DAB1: variants seen among roughly 807,000 people sequenced by gnomAD.
DAB1 encodes disabled homolog 1.
DAB1 carries 15 observed loss-of-function variants against 64.6 expected under a neutral mutation model. The observed-to-expected ratio is 0.23, with a 90% CI of 0.16 to 0.36. The LOEUF (loss-of-function observed/expected upper bound fraction) is 0.36. Among genes scored for constraint, DAB1 ranks in the 10% least tolerant of loss-of-function variants. DAB1 has a pLI of 1.00. For synonymous variants in DAB1, 235 were observed against 251.9 expected (o/e 0.93, Z 0.64); for missense variants, 596 against 706.7 (o/e 0.84, Z 1.78).
chr1:57,179,798 A>G (rs1662719150), intron 2 of DAB1, among the ~76,000 whole-genome samples: 2 of 152,208 alleles, frequency 1.3e-5, no homozygotes, highest in East Asian at 3.8e-4. Flanking sequence ...ATTGCTTTAC[A>G]TGTCATAAGG....
intron 5 of DAB1, among the ~76,000 whole-genome samples, chr1:58,045,195 G>A (rs1257392629): frequency 6.6e-6 from 1 of 152,220 alleles, no homozygotes; most frequent in African/African-American, 2.4e-5. Context: ...CGACAGCACT[G>A]CAAGGACAGC....
chr1:57,847,795 A>G (rs1653354076), intron 1 of DAB1, among the ~76,000 whole-genome samples: 1 of 152,198 alleles, frequency 6.6e-6, no homozygotes, highest in Admixed American at 6.5e-5. Context: ...CAATAAAAAG[A>G]CAAAAATAGA....
At chr1:58,281,331 A>G (rs1465103961) in intron 4 of DAB1, among the ~76,000 whole-genome samples, 1 of 152,048 alleles carries the variant, frequency 6.6e-6, no homozygotes, top group Non-Finnish European at 1.5e-5. Flanking sequence ...CAAGTGACGA[A>G]GCCTGAAACC....
At chr1:57,935,428 T>G (rs1473748237) in intron 5 of DAB1, among the ~76,000 whole-genome samples, 1 of 152,234 alleles carries the variant, frequency 6.6e-6, no homozygotes, top group Non-Finnish European at 1.5e-5. Flanking sequence ...TCAAGTAGTA[T>G]TATGGTAATT....
intron 4 of DAB1, among the ~76,000 whole-genome samples, chr1:58,220,267 C>A (rs578204314): frequency 1.0e-3 from 154 of 152,204 alleles, no homozygotes; most frequent in South Asian, 6.6e-3. Context: ...ATATTAGAAT[C>A]AACTGAAGAT....
chr1:58,533,984 T>C (rs1226873575), intron 1 of DAB1: 3 of 872,010 alleles, frequency 3.4e-6, no homozygotes, highest in African/African-American at 3.3e-5. Flanking sequence ...TGCTATTTCA[T>C]GGCCCAGAAG....
chr1:57,862,834 T>C (rs887559265), intron 1 of DAB1: 2 of 152,176 alleles, frequency 1.3e-5, no homozygotes. Context: ...CTGGAAGGAA[T>C]GTAAAATGCT....
intron 7 of DAB1, among the ~76,000 whole-genome samples, chr1:57,489,802 G>T (rs542856942): frequency 6.6e-6 from 1 of 152,266 alleles, no homozygotes; most frequent in African/African-American, 2.4e-5. Flanking sequence ...CAAAATTGAA[G>T]GTATGACTCA....
At chr1:57,574,914 T>G (rs1046355195) in intron 7 of DAB1, among the ~76,000 whole-genome samples, 1 of 152,202 alleles carries the variant, frequency 6.6e-6, no homozygotes, top group Non-Finnish European at 1.5e-5. Context: ...CCTTTCTTTC[T>G]TTCTGATTCA....
chr1:57,888,019 A>C (rs550957051), upstream of DAB1, among the ~76,000 whole-genome samples: 5 of 152,176 alleles, frequency 3.3e-5, no homozygotes, highest in South Asian at 2.1e-4. Flanking sequence ...AGGAAAAGAA[A>C]CCAACTCTTC....
At chr1:58,490,875 G>A (rs1444700984) in intron 3 of DAB1, among the ~76,000 whole-genome samples, 1 of 129,704 alleles carries the variant, frequency 7.7e-6, no homozygotes, top group Non-Finnish European at 1.5e-5. Flanking sequence ...GCGCGATCTC[G>A]GCTCACAGCA....
chr1:58,466,505 T>C (rs896633283), intron 3 of DAB1, among the ~76,000 whole-genome samples: 2 of 152,166 alleles, frequency 1.3e-5, no homozygotes, highest in Non-Finnish European at 2.9e-5. Flanking sequence ...GGGAGGTCCC[T>C]GAAGCCAAGG....
At chr1:57,359,101 T>A (rs1400555466) in intron 1 of DAB1, among the ~76,000 whole-genome samples, 1 of 151,944 alleles carries the variant, frequency 6.6e-6, no homozygotes, top group African/African-American at 2.4e-5. Flanking sequence ...TGAGATTACA[T>A]CAATCTAAAA....
At chr1:58,533,603 C>T (rs1646470444) in intron 1 of DAB1, among the ~76,000 whole-genome samples, 1 of 152,096 alleles carries the variant, frequency 6.6e-6, no homozygotes, top group Admixed American at 6.5e-5. Flanking sequence ...AGTAATATCA[C>T]TTCCCTACAA....
At chr1:57,089,156 G>A (rs578219245) in intron 4 of DAB1, among the ~76,000 whole-genome samples, 7 of 152,176 alleles carry the variant, frequency 4.6e-5, no homozygotes, top group African/African-American at 9.7e-5. Context: ...GCTTAGCATC[G>A]TGTCCAGAAT....
intron 5 of DAB1, among the ~76,000 whole-genome samples, chr1:57,916,305 C>T (rs1005972255): frequency 1.3e-5 from 2 of 152,156 alleles, no homozygotes; most frequent in African/African-American, 4.8e-5. Flanking sequence ...AACTTGTCAG[C>T]CATGCCTTCA....
At chr1:58,091,935 A>AACACAC (rs59390109) in intron 5 of DAB1, among the ~76,000 whole-genome samples, 296 of 141,916 alleles carry the variant, frequency 2.1e-3, no homozygotes, top group South Asian at 5.6e-3. Context: ...AGCTGCATTA[A>AACACAC]ACACACACAC....
chr1:57,288,357 C>T (rs1330271591), intron 2 of DAB1, among the ~76,000 whole-genome samples: 1 of 152,050 alleles, frequency 6.6e-6, no homozygotes, highest in Non-Finnish European at 1.5e-5. Context: ...GTGTGTTATG[C>T]ATATCTGTGT....
At chr1:57,930,099 C>T (rs1644933880) in intron 5 of DAB1, among the ~76,000 whole-genome samples, 1 of 152,124 alleles carries the variant, frequency 6.6e-6, no homozygotes, top group Non-Finnish European at 1.5e-5. Flanking sequence ...TCTAGATTCA[C>T]TTTTTTTGCA....
Sources: gnomAD v4.1 joint callset for allele counts (sites outside exome capture counted in the v4.1 genomes callset) on GRCh38, gnomAD v4.1.1 for gene constraint, MANE v1.5 for transcripts, NCBI Gene and HGNC (gene_info 2026-07-23, HGNC 2026-07-21) for gene names.